CACNA1F: variants seen among roughly 807,000 people sequenced by gnomAD.
CACNA1F encodes the protein calcium voltage-gated channel subunit alpha1 F.
In CACNA1F, 59 loss-of-function variants were observed where a neutral mutation model predicts 143.8. That is an observed-to-expected ratio of 0.41 (90% confidence interval 0.33 to 0.51). CACNA1F has a LOEUF of 0.51. Ranked by LOEUF, CACNA1F falls within the 20% of genes least tolerant of loss-of-function variation. CACNA1F has a pLI of 0.22. For synonymous variants in CACNA1F, 643 were observed against 649.1 expected (o/e 0.99, Z 0.14); for missense variants, 1,411 against 1,647.5 (o/e 0.86, Z 2.48).
chrX:49,227,074 T>G lies in CACNA1F; in HGVS notation c.1172A>C (p.Gln391Pro). 1 of 1,205,390 alleles carries G rather than the reference T, an allele frequency of 8.3e-7. No homozygotes were observed. Reference sequence around the variant, plus strand: ...TTCCTCCATCTGCTGCTTCTCCCGCTGCTTCTGGAAGTCCCCGCGAGCTTT... The same window carrying G: ...TTCCTCCATCTGCTGCTTCTCCCGCGGCTTCTGGAAGTCCCCGCGAGCTTT... ...KAKARGDFQK[Q>P]REKQQMEEDL... Residue 391 changes from glutamine to proline, a missense_variant, in exon 9 of 48, where the codon CAG (glutamine) becomes CCG (proline). This residue lies in a region of CACNA1F where 950 missense variants were observed against 1,128.1 expected (regional missense o/e 0.84). Coordinates refer to ENST00000323022, the MANE Select transcript of CACNA1F (RefSeq NM_001256789.3).
At chrX:49,223,913 T>C (rs1317268719) in intron 14 of CACNA1F, among the ~76,000 whole-genome samples, 1 of 109,635 alleles carries the variant, frequency 9.1e-6, no homozygotes, top group Non-Finnish European at 1.9e-5. Context: ...TTTGTATTTT[T>C]AGTAGAGACG....
In CACNA1F at chrX:49,212,696, A is replaced by G. The variant is rs782495412; in HGVS notation, c.3913T>C (p.Leu1305=). 3 of 1,209,551 alleles carry G rather than the reference A, an allele frequency of 2.5e-6. No individual in the cohort carries two copies. Among genetic ancestry groups the G allele is most frequent in the South Asian group, 3.5e-5 (2 of 56,604 alleles). ...AAGGACTTGATGAATGTCCAGAGCAATGTGCGGATCCCTTCACCCTTACTG... is the reference window on the plus strand; with the variant it reads ...AAGGACTTGATGAATGTCCAGAGCAGTGTGCGGATCCCTTCACCCTTACTG... ...LLSKGEGIRT[L]LWTFIKSFQA... The change falls in exon 33 of 48, where the codon TTG becomes CTG. Residue 1305 remains leucine, a synonymous_variant. Coordinates refer to ENST00000323022, the MANE Select transcript of CACNA1F (RefSeq NM_001256789.3).
chrX:49,219,113 C>T (rs2065749199), intron 21 of CACNA1F, among the ~76,000 whole-genome samples, 172 bp from the exon 22 acceptor site: 1 of 111,608 alleles, frequency 9.0e-6, no homozygotes, highest in African/African-American at 3.3e-5. Context: ...GCACAGCTTC[C>T]TCCTCAGTCA....
At chrX:49,227,966 G>A in intron 8 of CACNA1F, 70 bp downstream of exon 8, 1 of 703,147 alleles carries the variant, frequency 1.4e-6, no homozygotes, top group Non-Finnish European at 2.3e-6. Context: ...GGATGTCTAG[G>A]AGTTTGCCAG....
intron 18 of CACNA1F, among the ~76,000 whole-genome samples, chrX:49,220,806 C>T (rs782379565): frequency 4.5e-5 from 5 of 111,681 alleles, no homozygotes; most frequent in Admixed American, 9.5e-5. Context: ...AGTGTGGTGG[C>T]GCATGCCTGT....
At position 49,226,076 on chromosome X, in the gene CACNA1F, G is replaced by T. The variant is rs782709752; in HGVS notation, c.1491-7C>A. ...GGCTCGGCGGAGGCGGCGGCTGGGG[G>T]AAGGGGAGCCCACAGGCTGAGATCA... On this transcript the variant is annotated splice_region_variant and splice_polypyrimidine_tract_variant and intron_variant, in intron 12 of 47. Transcript: ENST00000323022. The T allele has an allele frequency of 1.7e-6, 2 of 1,192,351 alleles. No individual in the cohort carries two copies. Among genetic ancestry groups the T allele is most frequent in the South Asian group, 1.8e-5 (1 of 54,764 alleles).
intron 39 of CACNA1F, 21 bp from the exon 40 acceptor site, chrX:49,210,063 G>A (rs377393262): frequency 1.8e-6 from 2 of 1,100,365 alleles, no homozygotes; most frequent in African/African-American, 3.6e-5. Flanking sequence ...GGAGGATGTG[G>A]GGCATGAGCC....
At chrX:49,223,201 G>A in intron 14 of CACNA1F, 65 bp from the exon 15 acceptor site, 1 of 763,028 alleles carries the variant, frequency 1.3e-6, no homozygotes, top group Non-Finnish European at 2.0e-6. Context: ...GGAGCATCAG[G>A]AGCCAGGGCA....
intron 3 of CACNA1F, 106 bp from the exon 4 acceptor site, chrX:49,231,095 C>A: frequency 1.1e-5 from 9 of 794,290 alleles, no homozygotes; most frequent in Non-Finnish European, 1.7e-5. Flanking sequence ...GGGGCTGAGC[C>A]AGGCAGGGCC....
chrX:49,205,736 C>T lies in CACNA1F; in HGVS notation c.5550G>A (p.Gly1850=), dbSNP rs2147889124. ...CACTGGATCTGCCGAGGTACCCCTC[C>T]CCCGCTGCGCCCTCTTCCACCAACA... ...PLLLVEEGAA[G]EGYLGRSSGP... Residue 1850 remains glycine (G), a synonymous_variant, in exon 47 of 48, where the codon GGG becomes GGA. Transcript: ENST00000323022. The T allele has an allele frequency of 8.3e-7, 1 of 1,202,929 alleles. No individual in the cohort carries two copies. The highest frequency in any genetic ancestry group is 1.1e-6 in the Non-Finnish European group (1 of 891,100).
intron 26 of CACNA1F, 149 bp downstream of exon 26, chrX:49,217,606 G>T: frequency 3.7e-6 from 2 of 544,510 alleles, no homozygotes; most frequent in Non-Finnish European, 6.5e-6. Flanking sequence ...GTATCGGGGG[G>T]CCGCCGAAGA....
chrX:49,223,816 C>T, intron 14 of CACNA1F, among the ~76,000 whole-genome samples: 1 of 104,473 alleles, frequency 9.6e-6, no homozygotes, highest in East Asian at 3.1e-4. Context: ...ACTGCAACCT[C>T]CACCTTCCAG....
At chrX:49,213,736 A>C (rs2065680640) in intron 31 of CACNA1F, 83 bp downstream of exon 31, 2 of 656,725 alleles carry the variant, frequency 3.0e-6, no homozygotes, top group Admixed American at 4.5e-5. Context: ...GGAGCCACCC[A>C]CCCACGTGAA....
chrX:49,220,615 A>G, intron 18 of CACNA1F, 91 bp from the exon 19 acceptor site: 1 of 725,557 alleles, frequency 1.4e-6, no homozygotes, highest in South Asian at 2.2e-5. Context: ...TAATAGGGGA[A>G]AGAATAGGCA....
chrX:49,207,952 G>C lies in CACNA1F; in HGVS notation c.5123+563C>G, dbSNP rs1269171234. ...CTCAAGCTTGTAATCCCAGCACTTT[G>C]GGAGGCTGAGGTGGGCAGATCACCT... On this transcript the variant is annotated intron_variant, in intron 43 of 47. Transcript: ENST00000323022. Among the ~76,000 whole-genome samples the C allele has an allele frequency of 2.8e-5, 3 of 106,013 alleles. No individual in the cohort carries two copies. The Admixed American group carries it at 3.0e-4, about 11-fold the overall frequency. The allele number at this position is 106,013 out of a possible 115,157, so 92.1% of individuals were successfully genotyped here.
At position 49,208,570 on chromosome X, in the gene CACNA1F, C is replaced by G; in HGVS notation, c.5068G>C (p.Gly1690Arg). The G allele has an allele frequency of 8.3e-7, 1 of 1,210,133 alleles. No individual in the cohort carries two copies. The highest frequency in any genetic ancestry group is 3.0e-5 in the East Asian group (1 of 33,809). Residue 1690 changes from glycine to arginine, a missense_variant, in exon 43 of 48, where the codon GGG (glycine) becomes CGG (arginine). Physicochemically the swap from Gly to Arg is moderately radical, Grantham distance 125. Coordinates refer to ENST00000323022, the MANE Select transcript of CACNA1F (RefSeq NM_001256789.3). ...CTGGGCTGACTGGAGGTGGGAGTCC[C>G]CCTGTCATCATCACTGGGCCCAAAG... is the stretch of plus-strand genomic sequence containing the variant. The part of the protein sequence containing the change: ...LSFGPSDDDR[G>R]TPTSSQPSVP...
chrX:49,226,745 C>T (rs1486812996), intron 9 of CACNA1F, 43 bp from the exon 10 acceptor site: 1 of 1,090,694 alleles, frequency 9.2e-7, no homozygotes, highest in Non-Finnish European at 1.2e-6. Flanking sequence ...ATACTGGGGG[C>T]AGGGTTAGGG....
intron 41 of CACNA1F, 97 bp from the exon 42 acceptor site, chrX:49,209,490 A>G: frequency 8.9e-7 from 1 of 1,121,587 alleles, no homozygotes; most frequent in Non-Finnish European, 1.2e-6. Context: ...GGAGTCCTTC[A>G]GCCACCCTGG....
rs1474604703 is a variant in CACNA1F, at chrX:49,205,401, G to A, written c.5671-34C>T. The stretch of plus-strand genomic sequence containing the variant: ...ACAGGTGGGATCAGTGTTGACGGAC[G>A]GCACAGTGTGCACAGAAGGTTCAGT... On this transcript the variant is annotated intron_variant, in intron 47 of 47. Coordinates refer to ENST00000323022, the MANE Select transcript of CACNA1F (RefSeq NM_001256789.3). 8 of 1,023,678 alleles carry A rather than the reference G, an allele frequency of 7.8e-6. No individual in the cohort carries two copies. In the African/African-American group the frequency reaches 9.4e-5, roughly 12 times the overall value. The allele number at this position is 1,023,678 out of a possible 1,213,427, so 84.4% of individuals were successfully genotyped here. A position where few individuals can be genotyped will look rare whatever the true frequency, so the allele number is the denominator to read the frequency against.
Sources: gnomAD v4.1 joint callset for allele counts (sites outside exome capture counted in the v4.1 genomes callset) on GRCh38, gnomAD v4.1.1 for gene constraint, gnomAD v4.1.1 regional missense constraint, MANE v1.5 for transcripts, NCBI Gene and HGNC (gene_info 2026-07-23, HGNC 2026-07-21) for gene names.